Variants in LEF1 observed in about 807,000 individuals in gnomAD.
LEF1 encodes the protein lymphoid enhancer-binding factor 1.
Under a neutral mutation model 51.2 loss-of-function variants are expected in LEF1, and 14 were observed. That is an observed-to-expected ratio of 0.27 (90% CI 0.18 to 0.43). The LOEUF (loss-of-function observed/expected upper bound fraction) is 0.43. Among genes scored for constraint, LEF1 ranks in the 20% least tolerant of loss-of-function variants. The pLI is 1.00. For synonymous variants in LEF1, 185 were observed against 183.2 expected, an observed-to-expected ratio of 1.01 and a Z score of -0.08; for missense variants, 386 against 512.0, an observed-to-expected ratio of 0.75 and a Z score of 2.37.
At chr4:108,131,173 G>A (rs1449041475) in intron 3 of LEF1, among the ~76,000 whole-genome samples, 7 of 152,008 alleles carry the variant, frequency 4.6e-5, no homozygotes, top group Non-Finnish European at 1.0e-4. Flanking sequence ...AGTGGCTCAT[G>A]CCTGTAATCC....
At position 108,048,547 on chromosome 4, in the gene LEF1, G is replaced by C; in HGVS notation, c.*211C>G. The C allele has an allele frequency of 2.0e-6, 1 of 505,756 alleles. No individual in the cohort carries two copies. Among genetic ancestry groups the C allele is most frequent in the African/African-American group, 1.9e-5 (1 of 51,434 alleles). The allele number at this position is 505,756 out of a possible 1,614,324, so 31.3% of individuals were successfully genotyped here. ...ATTTTGGAACTTGGCTCTTGCAGTA[G>C]ACGAAAGAGGGGTTGGCAGTGATTG... On this transcript the variant is annotated 3_prime_UTR_variant, in exon 12 of 12. Transcript: ENST00000265165.
At chr4:108,092,006 A>G (rs1479892771) in intron 3 of LEF1, among the ~76,000 whole-genome samples, 1 of 152,194 alleles carries the variant, frequency 6.6e-6, no homozygotes, top group Non-Finnish European at 1.5e-5. Context: ...TTCTGGATAT[A>G]TTCTTTCTTT....
In LEF1 at chr4:108,070,697, T is replaced by C; in HGVS notation, c.1082A>G (p.Gln361Arg). Residue 361 changes from glutamine (Q) to arginine (R), a missense_variant, in exon 9 of 12, where the codon CAG (glutamine) becomes CGG (arginine). Transcript: ENST00000265165. ...TCTTGCAGACCAGCCTGGATAAAGC[T>C]GCATATGTAGCTGTCTTTCTTTCCG... ...LARKERQLHM[Q>R]LYPGWSARDN... 1 of 1,614,030 alleles carries C rather than the reference T, an allele frequency of 6.2e-7. No individual in the cohort carries two copies. Among genetic ancestry groups the C allele is most frequent in the Non-Finnish European group, 8.5e-7 (1 of 1,179,922 alleles).
chr4:108,048,748 C>A lies in LEF1; in HGVS notation c.*10G>T. 6.2e-7 allele frequency: 1 copy of A among 1,601,292 alleles called. No homozygotes were observed. The highest frequency in any genetic ancestry group is 1.3e-5 in the African/African-American group (1 of 74,690). On this transcript the variant is annotated 3_prime_UTR_variant, in exon 12 of 12. Transcript: ENST00000265165. ...GCACGTTGGGAATGAGCTTCGTTTT[C>A]CACCTCAAGAAGGAACAAATGAAAT...
At chr4:108,099,067 C>A (rs1740576890) in intron 3 of LEF1, among the ~76,000 whole-genome samples, 1 of 152,080 alleles carries the variant, frequency 6.6e-6, no homozygotes, top group Non-Finnish European at 1.5e-5. Context: ...TACTAGAATT[C>A]AAATACTGTG....
chr4:108,082,205 C>T (rs1216484677), intron 5 of LEF1, among the ~76,000 whole-genome samples: 2 of 152,138 alleles, frequency 1.3e-5, no homozygotes, highest in African/African-American at 2.4e-5. Context: ...ATTTTCTCTC[C>T]ACCCTGAGAA....
intron 11 of LEF1, among the ~76,000 whole-genome samples, chr4:108,051,296 G>A (rs1736975265): frequency 6.6e-6 from 1 of 152,058 alleles, no homozygotes; most frequent in African/African-American, 2.4e-5. Context: ...CCTTCACTAT[G>A]AAATGAGGCA....
intron 3 of LEF1, among the ~76,000 whole-genome samples, chr4:108,136,465 C>CT (rs3034771): frequency 0.073 from 10,302 of 140,750 alleles, 400 homozygotes; most frequent in African/African-American, 0.12. Context: ...CTTAAATTTC[C>CT]TTTTTTTTTT....
At chr4:108,141,581 C>A (rs1453340931) in intron 3 of LEF1, among the ~76,000 whole-genome samples, 1 of 152,116 alleles carries the variant, frequency 6.6e-6, no homozygotes, top group East Asian at 1.9e-4. Context: ...AGACCTCTGC[C>A]TTTTTTCAAT....
intron 4 of LEF1, among the ~76,000 whole-genome samples, chr4:108,088,732 AG>A (rs1431937999): frequency 6.6e-6 from 1 of 150,430 alleles, no homozygotes; most frequent in African/African-American, 2.4e-5. Context: ...TAACCAAAAG[AG>A]ATTCAAAAGA....
intron 8 of LEF1, among the ~76,000 whole-genome samples, chr4:108,077,925 C>T (rs189168991): frequency 1.3e-5 from 2 of 152,250 alleles, no homozygotes; most frequent in East Asian, 3.9e-4. Context: ...ACTACAGTCC[C>T]AGCTATTCGG....
chr4:108,109,201 C>T (rs1741366328), intron 3 of LEF1, among the ~76,000 whole-genome samples: 1 of 152,242 alleles, frequency 6.6e-6, no homozygotes, highest in Admixed American at 6.5e-5. Context: ...GAAATCCACT[C>T]CTTGTAAGGC....
intron 3 of LEF1, among the ~76,000 whole-genome samples, chr4:108,104,175 A>G (rs969485237): frequency 2.0e-5 from 3 of 152,168 alleles, no homozygotes; most frequent in South Asian, 2.1e-4. Flanking sequence ...TGATATGTAT[A>G]TGTATATGTA....
intron 3 of LEF1, among the ~76,000 whole-genome samples, chr4:108,152,390 T>C (rs1046940079): frequency 1.3e-5 from 2 of 152,170 alleles, no homozygotes; most frequent in African/African-American, 4.8e-5. Context: ...GGAAAGCTTT[T>C]AAAAATAATG....
At chr4:108,099,556 ATGTG>A (rs1245005290) in intron 3 of LEF1, among the ~76,000 whole-genome samples, 7,561 of 49,520 alleles carry the variant, frequency 0.15, 1,343 homozygotes, top group Middle Eastern at 0.27. Flanking sequence ...GTGTGTGTGT[ATGTG>A]TGTGTGTGTG....
At chr4:108,061,874 A>T (rs1338556620) in intron 11 of LEF1, among the ~76,000 whole-genome samples, 1 of 152,196 alleles carries the variant, frequency 6.6e-6, no homozygotes, top group Non-Finnish European at 1.5e-5. Flanking sequence ...ACCTGGAGGA[A>T]AGCTTGCCAC....
At chr4:108,087,462 A>G (rs931883956) in intron 4 of LEF1, among the ~76,000 whole-genome samples, 1 of 152,198 alleles carries the variant, frequency 6.6e-6, no homozygotes, top group Non-Finnish European at 1.5e-5. Flanking sequence ...GATATAACTT[A>G]ACAATTATGC....
chr4:108,088,500 G>A (rs1051415563), intron 4 of LEF1, among the ~76,000 whole-genome samples: 3 of 152,080 alleles, frequency 2.0e-5, no homozygotes, highest in Non-Finnish European at 4.4e-5. Flanking sequence ...ACTCGTACCC[G>A]TACACATCAG....
chr4:108,161,095 T>TACTAAGA (rs1745026537), intron 3 of LEF1, among the ~76,000 whole-genome samples: 3 of 152,138 alleles, frequency 2.0e-5, no homozygotes, highest in Admixed American at 2.0e-4. Context: ...ACACAAACAC[T>TACTAAGA]CAGCCCTGCT....
Sources: allele counts gnomAD v4.1 joint callset (sites outside exome capture counted in the v4.1 genomes callset), GRCh38; gene constraint gnomAD v4.1.1; transcripts MANE v1.5; gene names NCBI Gene and HGNC (gene_info 2026-07-23, HGNC 2026-07-21).